The following MSR1 variants were observed in gnomAD, a reference collection of about 807,000 sequenced individuals.
The protein encoded by MSR1 is macrophage scavenger receptor types I and II.
MSR1 carries 53 observed loss-of-function variants against 47.2 expected under a neutral mutation model. The ratio of observed to expected loss-of-function variants is 1.12; its 90% CI spans 0.90 to 1.41. The LOEUF (loss-of-function observed/expected upper bound fraction) is 1.41. MSR1 is among the 40% of genes most tolerant of loss of function. The probability of loss-of-function intolerance (pLI) is 0.00; values close to 1 mark genes in which losing one functional copy is unlikely to be tolerated. For missense variants in MSR1, 786 were observed against 546.9 expected (o/e 1.44, Z -4.36); for synonymous variants, 239 against 185.6 (o/e 1.29, Z -2.34).
intron 1 of MSR1, among the ~76,000 whole-genome samples, chr8:16,183,329 C>T (rs980335114): frequency 6.6e-6 from 1 of 151,850 alleles, no homozygotes; most frequent in Non-Finnish European, 1.5e-5. Flanking sequence ...AACATCTTTA[C>T]ACTCTGAACT....
chr8:16,169,186 A>T (rs952847571), intron 3 of MSR1, among the ~76,000 whole-genome samples: 11 of 152,202 alleles, frequency 7.2e-5, no homozygotes, highest in African/African-American at 2.4e-4. Context: ...AATTCTATAG[A>T]TTATGAAAGG....
chr8:16,127,569 G>A (rs1800157790), intron 8 of MSR1, among the ~76,000 whole-genome samples: 1 of 152,066 alleles, frequency 6.6e-6, no homozygotes, highest in Admixed American at 6.6e-5. Context: ...GGAAAGCTCA[G>A]GATCAAAAGT....
rs964892048 is a variant in MSR1, at chr8:16,109,893, G to A, written c.*192C>T. The A allele has an allele frequency of 1.5e-6, 1 of 662,272 alleles. No homozygotes were observed. The highest frequency in any genetic ancestry group is 3.0e-5 in the Admixed American group (1 of 33,884). 41.0% of individuals were successfully genotyped at this position (662,272 alleles called of 1,614,324 possible). On this transcript the variant is annotated 3_prime_UTR_variant, in exon 10 of 10. Coordinates refer to ENST00000262101, the MANE Select transcript of MSR1 (RefSeq NM_138715.3). ...AAATTCCATTTAAAAACCTATAGAA[G>A]TTAAAATGATTTAAATATAGACATA...
chr8:16,138,413 A>G (rs567472632), intron 8 of MSR1, among the ~76,000 whole-genome samples: 2 of 152,278 alleles, frequency 1.3e-5, no homozygotes, highest in South Asian at 4.1e-4. Context: ...TTCATTATGC[A>G]TTTTTAAAGT....
chr8:16,185,370 G>A (rs1585200303), intron 1 of MSR1, among the ~76,000 whole-genome samples: 1 of 152,082 alleles, frequency 6.6e-6, no homozygotes, highest in East Asian at 1.9e-4. Context: ...AACACAACTA[G>A]CTACAAACGT....
At chr8:16,176,358 T>A (rs905629132) in intron 2 of MSR1, among the ~76,000 whole-genome samples, 2 of 151,814 alleles carry the variant, frequency 1.3e-5, no homozygotes, top group African/African-American at 4.8e-5. Context: ...ACTACAAAAA[T>A]TAGCCAGTCA....
intron 8 of MSR1, among the ~76,000 whole-genome samples, chr8:16,135,003 T>C (rs1800356203): frequency 6.6e-6 from 1 of 152,120 alleles, no homozygotes; most frequent in Admixed American, 6.6e-5. Flanking sequence ...CAGAGGTTGG[T>C]TCATAAGGTT....
intron 8 of MSR1, among the ~76,000 whole-genome samples, chr8:16,143,280 T>G (rs1800609153): frequency 6.6e-6 from 1 of 152,174 alleles, no homozygotes; most frequent in Admixed American, 6.6e-5. Flanking sequence ...GAAATTGACT[T>G]GAAAATTGAA....
chr8:16,179,879 C>A (rs1287177057), intron 1 of MSR1, among the ~76,000 whole-genome samples: 165 of 80,958 alleles, frequency 2.0e-3, no homozygotes, highest in Non-Finnish European at 2.4e-3. Flanking sequence ...CCCTGTGTCT[C>A]AAAAAAAAAA....
At chr8:16,117,945 C>T (rs1799914888) in intron 9 of MSR1, among the ~76,000 whole-genome samples, 1 of 152,136 alleles carries the variant, frequency 6.6e-6, no homozygotes. Context: ...CATCCCCAAA[C>T]CTTCTCCCAT....
At chr8:16,120,895 T>G (rs902815905) in intron 8 of MSR1, 5 of 422,686 alleles carry the variant, frequency 1.2e-5, no homozygotes, top group Admixed American at 4.1e-5. Context: ...CGAGTTTGAA[T>G]TTTGACAGAT....
At chr8:16,176,498 C>T (rs1423433406) in intron 2 of MSR1, among the ~76,000 whole-genome samples, 1 of 144,082 alleles carries the variant, frequency 6.9e-6, no homozygotes, top group Non-Finnish European at 1.5e-5. Flanking sequence ...AAAAGTGAGA[C>T]CCTGTCTCAA....
In MSR1 at chr8:16,170,735, T is replaced by A. The variant is rs368141474; in HGVS notation, c.218-1865A>T. ...GGATTTTGTTCAATAACTAACAGCT[T>A]GGTGTTTACATAGGATCTAGTTCCC... On this transcript the variant is annotated intron_variant, in intron 3 of 9. Coordinates refer to ENST00000262101, the MANE Select transcript of MSR1 (RefSeq NM_138715.3). 4.6e-5 allele frequency among the ~76,000 whole-genome samples: 7 copies of A among 152,138 alleles called. No homozygotes were observed. The East Asian group carries it at 1.4e-3, about 29-fold the overall frequency.
intron 4 of MSR1, among the ~76,000 whole-genome samples, chr8:16,167,416 G>A (rs868180036): frequency 2.0e-5 from 3 of 152,172 alleles, no homozygotes; most frequent in South Asian, 2.1e-4. Context: ...GAGGTAGCAC[G>A]TACCTTTGAT....
chr8:16,140,688 C>A (rs930881260), intron 8 of MSR1: 1 of 1,313,706 alleles, frequency 7.6e-7, no homozygotes, highest in Admixed American at 3.6e-5. Context: ...CAATGGGTGG[C>A]AGAGAACTGA....
At chr8:16,191,466 G>T (rs946627379) in intron 1 of MSR1, among the ~76,000 whole-genome samples, 3 of 152,070 alleles carry the variant, frequency 2.0e-5, no homozygotes, top group Non-Finnish European at 2.9e-5. Context: ...TTTGTAAATT[G>T]CCTGGTACAC....
chr8:16,126,852 C>T (rs747916566), intron 8 of MSR1, among the ~76,000 whole-genome samples: 4 of 152,072 alleles, frequency 2.6e-5, no homozygotes, highest in African/African-American at 7.2e-5. Context: ...CCACTGCACC[C>T]GGCCATAGGT....
intron 3 of MSR1, among the ~76,000 whole-genome samples, chr8:16,172,286 T>G (rs1031426448): frequency 2.6e-5 from 4 of 152,192 alleles, no homozygotes; most frequent in Non-Finnish European, 5.9e-5. Flanking sequence ...GACCAACTAT[T>G]TTTAATTTGA....
intron 1 of MSR1, among the ~76,000 whole-genome samples, chr8:16,183,537 ATATT>A (rs1801899621): frequency 6.9e-6 from 1 of 145,928 alleles, no homozygotes; most frequent in African/African-American, 2.5e-5. Context: ...CATGTAATAC[ATATT>A]TATATATACA....
Sources: gnomAD v4.1 joint callset for allele counts (sites outside exome capture counted in the v4.1 genomes callset) on GRCh38, gnomAD v4.1.1 for gene constraint, MANE v1.5 for transcripts, NCBI Gene and HGNC (gene_info 2026-07-23, HGNC 2026-07-21) for gene names.